Variants in SGMS1 observed in about 807,000 individuals in gnomAD.
SGMS1 encodes the protein sphingomyelin synthase 1, also known as phosphatidylcholine:ceramide cholinephosphotransferase 1.
Under a neutral mutation model 46.2 loss-of-function variants are expected in SGMS1, and 13 were observed. The ratio of observed to expected loss-of-function variants is 0.28; its 90% CI spans 0.18 to 0.45. The LOEUF is 0.45. Among genes scored for constraint, SGMS1 ranks in the 20% least tolerant of loss-of-function variants. The pLI is 1.00. For missense variants in SGMS1, 324 were observed against 519.9 expected, an observed-to-expected ratio of 0.62 and a Z score of 3.66; for synonymous variants, 203 against 187.8, an observed-to-expected ratio of 1.08 and a Z score of -0.66.
intron 6 of SGMS1, among the ~76,000 whole-genome samples, chr10:50,346,896 G>C (rs984103477): frequency 6.6e-5 from 10 of 151,920 alleles, no homozygotes; most frequent in Non-Finnish European, 1.0e-4. Context: ...GATTGGGGTG[G>C]GGGGTCTCAC....
At chr10:50,356,576 T>TA (rs951520553) in intron 6 of SGMS1, among the ~76,000 whole-genome samples, 9 of 150,532 alleles carry the variant, frequency 6.0e-5, no homozygotes, top group East Asian at 3.9e-4. Flanking sequence ...CTAAAAAAAT[T>TA]AAAAAAAAAT....
intron 1 of SGMS1, among the ~76,000 whole-genome samples, chr10:50,616,026 C>T (rs761420811): frequency 3.3e-5 from 5 of 152,212 alleles, no homozygotes; most frequent in African/African-American, 7.2e-5. Flanking sequence ...GAGTGTTACA[C>T]ATTTATTGGC....
intron 3 of SGMS1, among the ~76,000 whole-genome samples, 186 bp from the exon 4 acceptor site, chr10:50,467,118 T>C (rs1013442222): frequency 6.6e-6 from 1 of 151,998 alleles, no homozygotes; most frequent in Non-Finnish European, 1.5e-5. Context: ...ACACTTCTAT[T>C]AGACAACGCC....
At chr10:50,428,069 G>T (rs1849353266) in intron 6 of SGMS1, among the ~76,000 whole-genome samples, 1 of 152,060 alleles carries the variant, frequency 6.6e-6, no homozygotes. Flanking sequence ...GGAGAAAAAA[G>T]AGTAGATCAG....
intron 5 of SGMS1, among the ~76,000 whole-genome samples, chr10:50,438,655 T>C (rs907965371): frequency 5.3e-5 from 8 of 152,192 alleles, no homozygotes; most frequent in African/African-American, 1.4e-4. Flanking sequence ...TAGCTATAGA[T>C]AACTACTACA....
chr10:50,401,384 T>C (rs1028187040), intron 6 of SGMS1, among the ~76,000 whole-genome samples: 1 of 152,232 alleles, frequency 6.6e-6, no homozygotes, highest in African/African-American at 2.4e-5. Flanking sequence ...TGGAGACATT[T>C]TAATCTCCAC....
chr10:50,475,774 G>A (rs1413866442), intron 3 of SGMS1, among the ~76,000 whole-genome samples: 3 of 151,936 alleles, frequency 2.0e-5, no homozygotes, highest in African/African-American at 7.3e-5. Context: ...CCATTCTCCT[G>A]TCAACCATGT....
intron 5 of SGMS1, among the ~76,000 whole-genome samples, chr10:50,441,631 G>C (rs1849548046): frequency 6.6e-6 from 1 of 152,210 alleles, no homozygotes; most frequent in Non-Finnish European, 1.5e-5. Context: ...TGACCGTCAA[G>C]GGACATCTTA....
At chr10:50,339,617 C>A (rs1431093694) in intron 7 of SGMS1, among the ~76,000 whole-genome samples, 3 of 152,182 alleles carry the variant, frequency 2.0e-5, no homozygotes, top group Non-Finnish European at 4.4e-5. Context: ...GTGGAGCATC[C>A]CCAGGGTCTA....
chr10:50,581,929 C>G (rs139956626), intron 2 of SGMS1, among the ~76,000 whole-genome samples: 91 of 152,314 alleles, frequency 6.0e-4, no homozygotes, highest in African/African-American at 2.0e-3. Context: ...AAAGACAAAG[C>G]CATGATCCAT....
intron 2 of SGMS1, among the ~76,000 whole-genome samples, chr10:50,561,839 T>G (rs1838239115): frequency 6.6e-6 from 1 of 152,126 alleles, no homozygotes; most frequent in Non-Finnish European, 1.5e-5. Flanking sequence ...CCAGCTGATC[T>G]CTACTCACTA....
At chr10:50,617,199 T>C (rs1433350404) in intron 1 of SGMS1, among the ~76,000 whole-genome samples, 1 of 152,252 alleles carries the variant, frequency 6.6e-6, no homozygotes, top group Non-Finnish European at 1.5e-5. Context: ...GTAAATGTAC[T>C]TGATGCCACT....
intron 2 of SGMS1, among the ~76,000 whole-genome samples, chr10:50,532,120 C>T (rs1251155113): frequency 1.3e-5 from 2 of 152,120 alleles, no homozygotes; most frequent in Admixed American, 6.5e-5. Flanking sequence ...AAGTTCTTCC[C>T]ATGTCTGCAT....
intron 6 of SGMS1, among the ~76,000 whole-genome samples, chr10:50,381,674 A>G (rs11005418): frequency 0.16 from 25,080 of 152,214 alleles, 2,554 homozygotes; most frequent in East Asian, 0.26. Context: ...AGATTTTAAA[A>G]ATTAACATTA....
chr10:50,565,257 C>A (rs1838277707), intron 2 of SGMS1, among the ~76,000 whole-genome samples: 1 of 152,002 alleles, frequency 6.6e-6, no homozygotes, highest in Non-Finnish European at 1.5e-5. Context: ...AGCAGACACA[C>A]AATAGGTCTT....
At chr10:50,330,881 C>CTT (rs1045353550) in intron 7 of SGMS1, among the ~76,000 whole-genome samples, 2 of 152,182 alleles carry the variant, frequency 1.3e-5, no homozygotes, top group Non-Finnish European at 2.9e-5. Flanking sequence ...TGAGCTGTAT[C>CTT]TTTACATAGA....
chr10:50,559,653 C>T (rs1838216810), intron 2 of SGMS1, among the ~76,000 whole-genome samples: 1 of 152,130 alleles, frequency 6.6e-6, no homozygotes, highest in Non-Finnish European at 1.5e-5. Context: ...ACAGGGCCAC[C>T]CTGCCCTTAG....
At chr10:50,392,237 T>G (rs1375039600) in intron 6 of SGMS1, among the ~76,000 whole-genome samples, 1 of 151,476 alleles carries the variant, frequency 6.6e-6, no homozygotes, top group Non-Finnish European at 1.5e-5. Context: ...ATTACTGTAC[T>G]CAAAAGATGG....
chr10:50,429,290 C>G (rs1248270031), intron 6 of SGMS1, among the ~76,000 whole-genome samples: 1 of 152,188 alleles, frequency 6.6e-6, no homozygotes, highest in East Asian at 1.9e-4. Flanking sequence ...TGTTTAGATA[C>G]ACAAATACTT....
Sources: allele counts gnomAD v4.1 joint callset (sites outside exome capture counted in the v4.1 genomes callset), GRCh38; gene constraint gnomAD v4.1.1; transcripts MANE v1.5; gene names NCBI Gene and HGNC (gene_info 2026-07-23, HGNC 2026-07-21).